WDPCP: variants seen among roughly 807,000 people sequenced by gnomAD.
WDPCP encodes WD repeat-containing and planar cell polarity effector protein fritz homolog.
Under a neutral mutation model 93.1 loss-of-function variants are expected in WDPCP, and 71 were observed. The observed-to-expected ratio is 0.76, with a 90% confidence interval of 0.63 to 0.93. The LOEUF (loss-of-function observed/expected upper bound fraction) is 0.93, where lower values mean the gene tolerates loss of function less well. Ranked by LOEUF, WDPCP falls within the 40% of genes least tolerant of loss-of-function variation. The pLI is 0.00. For missense variants in WDPCP, 844 were observed against 887.4 expected, an observed-to-expected ratio of 0.95 and a Z score of 0.62; for synonymous variants, 315 against 315.0, an observed-to-expected ratio of 1.00 and a Z score of 0.00.
chr2:63,280,562 T>A (rs1683458838), intron 13 of WDPCP, among the ~76,000 whole-genome samples: 1 of 152,134 alleles, frequency 6.6e-6, no homozygotes, highest in Non-Finnish European at 1.5e-5. Flanking sequence ...AGCATCACAT[T>A]ACCCAACTTC....
chr2:63,240,302 C>T (rs1016655481), intron 14 of WDPCP, among the ~76,000 whole-genome samples: 5 of 152,094 alleles, frequency 3.3e-5, no homozygotes, highest in African/African-American at 1.2e-4. Context: ...CTCAGCCTCC[C>T]AAGTAGCTAG....
intron 1 of WDPCP, chr2:63,571,617 T>C (rs1289954684): frequency 2.1e-6 from 1 of 471,082 alleles, no homozygotes; most frequent in Non-Finnish European, 4.4e-6. Flanking sequence ...CCAGAATTTA[T>C]CATGGTTTTC....
At chr2:63,287,707 T>A (rs1684113774) in intron 13 of WDPCP, among the ~76,000 whole-genome samples, 2 of 152,342 alleles carry the variant, frequency 1.3e-5, no homozygotes, top group South Asian at 2.1e-4. Flanking sequence ...TTCCATCATT[T>A]CCAGAGATTT....
At chr2:63,456,567 G>A (rs964429920) in intron 6 of WDPCP, among the ~76,000 whole-genome samples, 1 of 152,102 alleles carries the variant, frequency 6.6e-6, no homozygotes, top group African/African-American at 2.4e-5. Context: ...AAAACAGAAA[G>A]ATTTCAAATA....
At chr2:63,742,262 G>A (rs898717304) in intron 2 of WDPCP, among the ~76,000 whole-genome samples, 2 of 151,858 alleles carry the variant, frequency 1.3e-5, no homozygotes, top group Admixed American at 1.3e-4. Context: ...AGGAAGGGAG[G>A]GAGGAAGGAA....
chr2:63,655,989 C>T (rs1172679228), intron 2 of WDPCP, among the ~76,000 whole-genome samples: 3 of 152,104 alleles, frequency 2.0e-5, no homozygotes, highest in African/African-American at 7.2e-5. Flanking sequence ...GATTTCCTAC[C>T]CTTTAATATA....
chr2:63,314,481 CA>C (rs574674934), intron 12 of WDPCP, among the ~76,000 whole-genome samples: 60 of 152,180 alleles, frequency 3.9e-4, no homozygotes, highest in African/African-American at 1.3e-3. Context: ...TTCTTAGGAT[CA>C]AACTTAAAGG....
intron 6 of WDPCP, among the ~76,000 whole-genome samples, chr2:63,456,234 C>G (rs145211763): frequency 6.6e-6 from 1 of 151,874 alleles, no homozygotes; most frequent in East Asian, 1.9e-4. Context: ...CTGACCAACA[C>G]GGTGAAACCC....
intron 1 of WDPCP, among the ~76,000 whole-genome samples, chr2:63,533,864 C>G (rs887636912): frequency 7.6e-5 from 11 of 144,644 alleles, no homozygotes; most frequent in African/African-American, 2.9e-4. Context: ...AAGATCAGAG[C>G]AGAACTGAAG....
At position 63,622,944 on chromosome 2, in the gene WDPCP, T is replaced by C. The variant is rs557606489; in HGVS notation, n.488+27715A>G. ...CGGCGCACACCTGCTGCCAGGCTCG[T>C]AGCTCAGTCACCACCGCACGGCGCC... On this transcript the variant is annotated intron_variant and non_coding_transcript_variant, in intron 3 of 4. Coordinates refer to the WDPCP transcript ENST00000467687. The C allele has an allele frequency of 2.8e-5, 25 of 900,744 alleles. No individual in the cohort carries two copies. The African/African-American group carries it at 3.1e-4, about 11-fold the overall frequency. The allele number at this position is 900,744 out of a possible 1,614,324, so 55.8% of individuals were successfully genotyped here.
At chr2:63,458,122 CAAA>C (rs1225404392) in intron 6 of WDPCP, among the ~76,000 whole-genome samples, 1 of 56,402 alleles carries the variant, frequency 1.8e-5, no homozygotes. Flanking sequence ...GACTCCGTCT[CAAA>C]AAAAAAAAAA....
chr2:63,575,359 CAGTATAT>C (rs1345356541), intron 1 of WDPCP, among the ~76,000 whole-genome samples: 3 of 108,208 alleles, frequency 2.8e-5, no homozygotes, highest in Non-Finnish European at 6.0e-5. Flanking sequence ...ATGGTATATA[CAGTATAT>C]ACAGTATATA....
chr2:63,176,036 A>T (rs1464451222), intron 14 of WDPCP, among the ~76,000 whole-genome samples: 1 of 152,112 alleles, frequency 6.6e-6, no homozygotes, highest in African/African-American at 2.4e-5. Flanking sequence ...CCATTTTACA[A>T]TCCTACCAAC....
intron 2 of WDPCP, among the ~76,000 whole-genome samples, chr2:63,671,408 C>A (rs1710345746): frequency 6.6e-6 from 1 of 152,134 alleles, no homozygotes; most frequent in Non-Finnish European, 1.5e-5. Flanking sequence ...TTCTTAAACT[C>A]CAGCAGTGTA....
At chr2:63,190,313 C>G (rs1161859346) in intron 14 of WDPCP, among the ~76,000 whole-genome samples, 1 of 151,424 alleles carries the variant, frequency 6.6e-6, no homozygotes, top group Admixed American at 6.6e-5. Context: ...GACACATGTA[C>G]TCCCAGCTAC....
intron 3 of WDPCP, chr2:63,622,770 G>T: frequency 6.2e-7 from 1 of 1,612,730 alleles, no homozygotes; most frequent in Non-Finnish European, 8.5e-7. Flanking sequence ...CTGCCAGAAG[G>T]CGGCGAACAC....
chr2:63,484,367 A>G (rs1378272696), intron 6 of WDPCP, among the ~76,000 whole-genome samples: 1 of 151,972 alleles, frequency 6.6e-6, no homozygotes, highest in Non-Finnish European at 1.5e-5. Context: ...ATATGAAAAG[A>G]TTTTTATTAG....
chr2:63,717,378 G>T, intron 2 of WDPCP: 1 of 451,690 alleles, frequency 2.2e-6, no homozygotes, highest in Non-Finnish European at 4.3e-6. Context: ...GTCAGTTCTT[G>T]ATCCTGATGA....
chr2:63,348,884 G>A (rs1689375959), intron 12 of WDPCP, among the ~76,000 whole-genome samples: 1 of 152,128 alleles, frequency 6.6e-6, no homozygotes, highest in Non-Finnish European at 1.5e-5. Context: ...ACATATTCTG[G>A]CTCTTCAGAC....
Sources: allele counts gnomAD v4.1 joint callset (sites outside exome capture counted in the v4.1 genomes callset), GRCh38; gene constraint gnomAD v4.1.1; transcripts MANE v1.5; gene names NCBI Gene and HGNC (gene_info 2026-07-23, HGNC 2026-07-21).